The following MSI1 variants were observed in gnomAD, a reference collection of about 807,000 sequenced individuals.
The protein encoded by MSI1 is musashi RNA binding protein 1.
A neutral mutation model predicts 54.4 loss-of-function variants in MSI1; 15 were observed. The observed-to-expected ratio is 0.28, with a 90% CI of 0.18 to 0.42. MSI1 has a LOEUF of 0.42. MSI1 is among the 20% of genes least tolerant of loss of function. The pLI is 1.00. For missense variants in MSI1, 304 were observed against 506.0 expected, an observed-to-expected ratio of 0.60 and a Z score of 3.83; for synonymous variants, 200 against 196.5, an observed-to-expected ratio of 1.02 and a Z score of -0.15.
chr12:120,340,375 T>C (rs1410697460), downstream of MSI1, among the ~76,000 whole-genome samples: 1 of 152,236 alleles, frequency 6.6e-6, no homozygotes, highest in African/African-American at 2.4e-5. Context: ...TGAGCCACCA[T>C]GCCTGGCCCA....
Position 120,368,937 on chromosome 12 carries a change from C to G in MSI1, c.60-64G>C. 3 of 1,270,092 alleles carry G rather than the reference C, an allele frequency of 2.4e-6. No individual in the cohort carries two copies. Among genetic ancestry groups the G allele is most frequent in the Non-Finnish European group, 3.0e-6 (3 of 993,314 alleles). 78.7% of individuals were successfully genotyped at this position (1,270,092 alleles called of 1,614,324 possible). A position where few individuals can be genotyped will look rare whatever the true frequency, so the allele number is the denominator to read the frequency against. ...GCCGGGCGCCAGGGCGCAGGGGGCG[C>G]GGGCCCGGGCTCCGGGGAGGCCCGG... is the stretch of plus-strand genomic sequence containing the variant. On this transcript the variant is annotated intron_variant, in intron 1 of 14. Transcript: ENST00000257552. The surrounding 1 kb of genome is among the most constrained non-coding windows in gnomAD (Gnocchi z 6.6).
At chr12:120,356,356 C>A (rs996537724) in intron 9 of MSI1, among the ~76,000 whole-genome samples, 2 of 152,194 alleles carry the variant, frequency 1.3e-5, no homozygotes, top group Non-Finnish European at 2.9e-5. Context: ...TCTCTCCAGC[C>A]TCCCCATCAC....
At chr12:120,353,825 T>C (rs1228438877) in intron 9 of MSI1, among the ~76,000 whole-genome samples, 1 of 152,226 alleles carries the variant, frequency 6.6e-6, no homozygotes, top group Non-Finnish European at 1.5e-5. Flanking sequence ...TGGAGCACTC[T>C]TTCCAGATGA....
intron 9 of MSI1, among the ~76,000 whole-genome samples, chr12:120,355,138 G>T (rs1231571969): frequency 6.6e-6 from 1 of 151,814 alleles, no homozygotes; most frequent in Non-Finnish European, 1.5e-5. Flanking sequence ...GGGCGCGGTG[G>T]CTCACGCCTG....
intron 14 of MSI1, among the ~76,000 whole-genome samples, chr12:120,343,435 G>C (rs886246542): frequency 6.6e-6 from 1 of 152,088 alleles, no homozygotes; most frequent in Non-Finnish European, 1.5e-5. Context: ...TATTGCCCAG[G>C]CTAGTCTCAA....
chr12:120,363,214 C>A, intron 5 of MSI1, 79 bp from the exon 6 acceptor site: 1 of 1,209,660 alleles, frequency 8.3e-7, no homozygotes, highest in Non-Finnish European at 1.2e-6. Flanking sequence ...AGCCCCCCTG[C>A]CAGGATGCCA....
chr12:120,356,184 C>T (rs945488111), intron 9 of MSI1, among the ~76,000 whole-genome samples: 1 of 152,178 alleles, frequency 6.6e-6, no homozygotes, highest in Admixed American at 6.5e-5. Flanking sequence ...CTGTCTCCAA[C>T]TTGAAGGAGA....
At chr12:120,349,174 C>T (rs7977875) in intron 11 of MSI1, among the ~76,000 whole-genome samples, 9,065 of 150,072 alleles carry the variant, frequency 0.06, 395 homozygotes, top group Admixed American at 0.15. Context: ...CAGCTCACTG[C>T]GACCTCTGCC....
In MSI1 at chr12:120,360,442, G is replaced by A. The variant is rs558824522; in HGVS notation, c.403-1389C>T. On this transcript the variant is annotated intron_variant, in intron 6 of 14. Coordinates refer to ENST00000257552, the MANE Select transcript of MSI1 (RefSeq NM_002442.4). ...GCCAGGAGGCAACAAGGTCCCTGGA[G>A]AATCTCATGACATCTCTCTTCTCAA... Among the ~76,000 whole-genome samples the A allele has an allele frequency of 3.3e-5, 5 of 152,328 alleles. No individual in the cohort carries two copies. The South Asian group carries it at 1.0e-3, about 32-fold the overall frequency.
At chr12:120,349,562 C>G (rs371396414) in intron 11 of MSI1, among the ~76,000 whole-genome samples, 1 of 152,208 alleles carries the variant, frequency 6.6e-6, no homozygotes, top group African/African-American at 2.4e-5. Flanking sequence ...TGTCTCCTTC[C>G]TCTGGAATTT....
intron 6 of MSI1, among the ~76,000 whole-genome samples, chr12:120,360,339 C>G (rs1409058815): frequency 1.3e-5 from 2 of 152,202 alleles, no homozygotes; most frequent in African/African-American, 4.8e-5. Context: ...CCTGAACTAC[C>G]GTGATCCTCC....
At chr12:120,363,484 C>T (rs1875820242) in intron 5 of MSI1, among the ~76,000 whole-genome samples, 1 of 152,032 alleles carries the variant, frequency 6.6e-6, no homozygotes, top group South Asian at 2.1e-4. Flanking sequence ...CCTGGGAGAC[C>T]CCCCAAGGTC....
chr12:120,361,226 T>C (rs1428450778), intron 6 of MSI1, among the ~76,000 whole-genome samples: 2 of 151,602 alleles, frequency 1.3e-5, no homozygotes, highest in Non-Finnish European at 2.9e-5. Flanking sequence ...TTTGAATGAA[T>C]GAATGAATGA....
Position 120,368,662 on chromosome 12 carries a change from T to C in MSI1, c.100+171A>G, listed in dbSNP as rs1876185741. 1.3e-5 allele frequency among the ~76,000 whole-genome samples: 2 copies of C among 150,460 alleles called. No individual in the cohort carries two copies. Among genetic ancestry groups the C allele is most frequent in the South Asian group, 4.2e-4 (2 of 4,750 alleles). ...GCTCCCCTCCACCCGCTGGGCCGGG[T>C]GCGCTCGCGGATCGCCCTGCGCTCT... On this transcript the variant is annotated intron_variant, in intron 2 of 14. Transcript: ENST00000257552. This position sits in a 1 kb window ranked among gnomAD's most constrained non-coding sequence, Gnocchi z 6.6.
intron 6 of MSI1, among the ~76,000 whole-genome samples, 166 bp from the exon 7 acceptor site, chr12:120,359,219 C>A (rs934554468): frequency 1.3e-5 from 2 of 152,228 alleles, no homozygotes; most frequent in South Asian, 2.1e-4. Flanking sequence ...CCACTGAAAA[C>A]CCTTTTCAAT....
At chr12:120,352,894 A>G (rs1057396008) in intron 10 of MSI1, among the ~76,000 whole-genome samples, 6 of 152,110 alleles carry the variant, frequency 3.9e-5, no homozygotes, top group Non-Finnish European at 7.4e-5. Context: ...CCTTGTCTGG[A>G]CTTGAAAGAG....
At position 120,368,110 on chromosome 12, in the gene MSI1, G is replaced by T. The variant is rs1321470720; in HGVS notation, c.183-18C>A. 6.2e-7 allele frequency: 1 copy of T among 1,612,470 alleles called. No homozygotes were observed. Reference sequence around the variant, plus strand: ...CGAAACCCCTGCGCGCCGTAGTGAGGGAGAGGCAGATGGTTACAAGGCAGT... The same window carrying T: ...CGAAACCCCTGCGCGCCGTAGTGAGTGAGAGGCAGATGGTTACAAGGCAGT... On this transcript the variant is annotated intron_variant, in intron 3 of 14. Coordinates refer to ENST00000257552, the MANE Select transcript of MSI1 (RefSeq NM_002442.4). The surrounding 1 kb of genome is among the most constrained non-coding windows in gnomAD (Gnocchi z 6.6).
chr12:120,347,408 C>A, intron 12 of MSI1, 38 bp downstream of exon 12: 1 of 1,612,244 alleles, frequency 6.2e-7, no homozygotes, highest in Non-Finnish European at 8.5e-7. Context: ...GCTCCCTGTG[C>A]TCCCTCATCT....
At chr12:120,353,171 A>G in intron 10 of MSI1, 128 bp downstream of exon 10, 1 of 898,966 alleles carries the variant, frequency 1.1e-6, no homozygotes, top group Admixed American at 1.9e-5. Context: ...TTCCTCAGAC[A>G]TGCCCTTCCT....
Sources: gnomAD v4.1 joint callset for allele counts (sites outside exome capture counted in the v4.1 genomes callset) on GRCh38, gnomAD v4.1.1 for gene constraint, Gnocchi (gnomAD v3.1) non-coding constraint, MANE v1.5 for transcripts, NCBI Gene and HGNC (gene_info 2026-07-23, HGNC 2026-07-21) for gene names.